CADPS: variants seen among roughly 807,000 people sequenced by gnomAD.
The protein encoded by CADPS is calcium-dependent secretion activator 1.
Under a neutral mutation model 167.3 loss-of-function variants are expected in CADPS, and 57 were observed. That is an observed-to-expected ratio of 0.34 (90% CI 0.28 to 0.42). The LOEUF is 0.42. Among genes scored for constraint, CADPS ranks in the 20% least tolerant of loss-of-function variants. The pLI is 1.00. For missense variants in CADPS, 1,414 were observed against 1,738.1 expected (o/e 0.81, Z 3.32); for synonymous variants, 676 against 635.3 (o/e 1.06, Z -0.96).
chr3:62,635,453 CATT>C (rs1376908001), intron 6 of CADPS, among the ~76,000 whole-genome samples: 1 of 152,114 alleles, frequency 6.6e-6, no homozygotes, highest in Non-Finnish European at 1.5e-5. Context: ...AACACCCTGT[CATT>C]ATTAGATTGT....
intron 18 of CADPS, chr3:62,498,160 A>T: frequency 2.2e-6 from 1 of 456,672 alleles, no homozygotes; most frequent in Non-Finnish European, 4.4e-6. Flanking sequence ...TTCCCCTGCC[A>T]TGATCAGCCA....
At chr3:62,734,515 A>G (rs2152206541) in intron 3 of CADPS, among the ~76,000 whole-genome samples, 1 of 152,260 alleles carries the variant, frequency 6.6e-6, no homozygotes, top group African/African-American at 2.4e-5. Flanking sequence ...GCCATAGATT[A>G]GTTTTTCCTG....
chr3:62,805,117 T>C (rs941415300), intron 1 of CADPS, among the ~76,000 whole-genome samples: 1 of 152,176 alleles, frequency 6.6e-6, no homozygotes, highest in African/African-American at 2.4e-5. Flanking sequence ...TTCTACTAAC[T>C]ACATGCCTAT....
intron 1 of CADPS, among the ~76,000 whole-genome samples, chr3:62,843,492 G>GGGGTGTGTGTGTGTGTGT (rs535022785): frequency 1.0e-4 from 15 of 149,016 alleles, no homozygotes; most frequent in African/African-American, 1.5e-4. Flanking sequence ...TGGCAGTTGG[G>GGGGTGTGTGTGTGTGTGT]GTGTGTGTGT....
Position 62,702,933 on chromosome 3 carries a change from T to C in CADPS, c.889-40539A>G, listed in dbSNP as rs192131890. 1.3e-4 allele frequency among the ~76,000 whole-genome samples: 20 copies of C among 152,208 alleles called. 1 individual carries two copies. The highest frequency in any genetic ancestry group is 3.4e-3 in the Middle Eastern group (1 of 294). On this transcript the variant is annotated intron_variant, in intron 3 of 29. Transcript: ENST00000383710. ...AGGTATCACCATTAGCCCCATTTCA[T>C]GGAAGAGGAAGCTGAGGCACAGAGA...
At chr3:62,656,081 A>G (rs1009110108) in intron 4 of CADPS, among the ~76,000 whole-genome samples, 2 of 152,174 alleles carry the variant, frequency 1.3e-5, no homozygotes, top group South Asian at 4.1e-4. Context: ...TGGTTCCCAC[A>G]TTTGAAATGA....
At chr3:62,855,666 A>G (rs947887667) in intron 1 of CADPS, among the ~76,000 whole-genome samples, 2 of 152,126 alleles carry the variant, frequency 1.3e-5, no homozygotes, top group Non-Finnish European at 2.9e-5. Context: ...TAAGTTGTCA[A>G]ATGTCTAGTT....
chr3:62,470,007 G>A (rs886944531), intron 24 of CADPS, among the ~76,000 whole-genome samples: 10 of 152,194 alleles, frequency 6.6e-5, no homozygotes, highest in Non-Finnish European at 1.0e-4. Flanking sequence ...AGAACAGATT[G>A]TGTGTATGTT....
intron 11 of CADPS, among the ~76,000 whole-genome samples, chr3:62,549,202 CTTT>C (rs1278129530): frequency 6.6e-6 from 1 of 152,160 alleles, no homozygotes; most frequent in Non-Finnish European, 1.5e-5. Context: ...TCTCCATTTT[CTTT>C]GTTTTAATAA....
intron 1 of CADPS, among the ~76,000 whole-genome samples, chr3:62,858,707 G>T (rs184877552): frequency 6.6e-6 from 1 of 152,088 alleles, no homozygotes; most frequent in Non-Finnish European, 1.5e-5. Flanking sequence ...AACACACTGC[G>T]TAAATTTGTA....
At chr3:62,725,296 T>C (rs1030215486) in intron 3 of CADPS, among the ~76,000 whole-genome samples, 2 of 152,266 alleles carry the variant, frequency 1.3e-5, no homozygotes, top group Non-Finnish European at 2.9e-5. Flanking sequence ...AATTACTTTC[T>C]ATTTTGAGTA....
At position 62,536,887 on chromosome 3, in the gene CADPS, C is replaced by T. The variant is rs571269860; in HGVS notation, c.1967-306G>A. ...TAAGACCGTAACTTCGCCTGCATTT[C>T]ACCAAACACTGAAAGCAGATCGGAT... On this transcript the variant is annotated intron_variant, in intron 11 of 29. Transcript: ENST00000383710. 5.7e-4 allele frequency among the ~76,000 whole-genome samples: 87 copies of T among 152,268 alleles called. 1 individual carries two copies. In the South Asian group the frequency reaches 0.017, roughly 29 times the overall value.
intron 17 of CADPS, among the ~76,000 whole-genome samples, chr3:62,509,562 A>G (rs2067344662): frequency 1.3e-5 from 2 of 152,102 alleles, no homozygotes. Context: ...AAGATACAAA[A>G]CCTCAACATC....
chr3:62,618,799 G>C (rs1296490818), intron 6 of CADPS, among the ~76,000 whole-genome samples: 5 of 152,148 alleles, frequency 3.3e-5, no homozygotes, highest in Non-Finnish European at 7.3e-5. Context: ...ACATAGAGTA[G>C]TTTGAAAACT....
chr3:62,786,708 A>T (rs2092467285), intron 1 of CADPS, among the ~76,000 whole-genome samples: 1 of 152,172 alleles, frequency 6.6e-6, no homozygotes, highest in Non-Finnish European at 1.5e-5. Flanking sequence ...AAGTATTGTA[A>T]ATCATCTTAT....
intron 3 of CADPS, among the ~76,000 whole-genome samples, chr3:62,684,088 T>G (rs2077572177): frequency 6.6e-6 from 1 of 152,080 alleles, no homozygotes; most frequent in Admixed American, 6.6e-5. Context: ...AGGGCAAGTT[T>G]TGCTCCACGT....
chr3:62,575,315 T>C (rs2152485090), intron 8 of CADPS, among the ~76,000 whole-genome samples: 1 of 152,342 alleles, frequency 6.6e-6, no homozygotes, highest in East Asian at 1.9e-4. Context: ...CCAGTCACTT[T>C]ATGTGAATTT....
chr3:62,578,196 T>C (rs2152505043), intron 8 of CADPS, among the ~76,000 whole-genome samples: 1 of 151,952 alleles, frequency 6.6e-6, no homozygotes, highest in East Asian at 1.9e-4. Context: ...ACTTTTTTTT[T>C]TTTTTTTTAC....
chr3:62,413,896 A>AAC lies in CADPS; in HGVS notation c.3778-10712_3778-10711insGT, dbSNP rs199584697. Among the ~76,000 whole-genome samples, 783 of 81,640 alleles carry AAC rather than the reference A, an allele frequency of 9.6e-3. 6 individuals are homozygous for AAC. The highest frequency in any genetic ancestry group is 0.027 in the African/African-American group (743 of 27,434). The allele number at this position is 81,640 out of a possible 152,430, so 53.6% of individuals were successfully genotyped here. ...GCACACCCAAACATACTTTAAAAAA[A>AAC]AAAAAAAAAATCTTTGTAAGATGAG... On this transcript the variant is annotated intron_variant, in intron 28 of 29. Coordinates refer to ENST00000383710, the MANE Select transcript of CADPS (RefSeq NM_003716.4).
Sources: gnomAD v4.1 joint callset for allele counts (sites outside exome capture counted in the v4.1 genomes callset) on GRCh38, gnomAD v4.1.1 for gene constraint, MANE v1.5 for transcripts, NCBI Gene and HGNC (gene_info 2026-07-23, HGNC 2026-07-21) for gene names.